EBNA1BP2: variants seen among roughly 807,000 people sequenced by gnomAD.
EBNA1BP2 encodes the protein probable rRNA-processing protein EBP2.
Under a neutral mutation model 43.5 loss-of-function variants are expected in EBNA1BP2, and 36 were observed. The ratio of observed to expected loss-of-function variants is 0.83; its 90% CI spans 0.63 to 1.09. The LOEUF (loss-of-function observed/expected upper bound fraction) is 1.09, where lower values mean the gene tolerates loss of function less well. Ranked by LOEUF, EBNA1BP2 falls within the 50% of genes least tolerant of loss-of-function variation. The pLI is 0.00. For missense variants in EBNA1BP2, 332 were observed against 379.1 expected (o/e 0.88, Z 1.03); for synonymous variants, 127 against 141.3 (o/e 0.90, Z 0.72).
Position 43,164,209 on chromosome 1 carries a change from A to G in EBNA1BP2, c.*234T>C. The G allele has an allele frequency of 1.8e-6, 1 of 549,490 alleles. No individual in the cohort carries two copies. Among genetic ancestry groups the G allele is most frequent in the Admixed American group, 3.2e-5 (1 of 31,598 alleles). 34.0% of individuals were successfully genotyped at this position (549,490 alleles called of 1,614,324 possible). ...TCAGTTAAATCATTATTTATCATAA[A>G]ATGAAGGCAATTTGAACTCAATGTC... On this transcript the variant is annotated 3_prime_UTR_variant, in exon 9 of 9. Coordinates refer to ENST00000236051, the MANE Select transcript of EBNA1BP2 (RefSeq NM_006824.3).
At chr1:43,171,749 A>G (rs753789382) in intron 2 of EBNA1BP2, 98 bp from the exon 3 acceptor site, 17 of 1,562,236 alleles carry the variant, frequency 1.1e-5, no homozygotes, top group Non-Finnish European at 1.4e-5. Flanking sequence ...CTAATCCCCA[A>G]TACCCAGACA....
At chr1:43,166,402 A>T (rs1010798429) in intron 7 of EBNA1BP2, among the ~76,000 whole-genome samples, 1 of 152,182 alleles carries the variant, frequency 6.6e-6, no homozygotes, top group Non-Finnish European at 1.5e-5. Flanking sequence ...TGAGGCCAGG[A>T]GTTCACAACC....
chr1:43,171,990 C>T (rs1322568736), intron 1 of EBNA1BP2, 21 bp from the exon 2 acceptor site: 1 of 1,614,032 alleles, frequency 6.2e-7, no homozygotes, highest in African/African-American at 1.3e-5. Flanking sequence ...CAATCACGGT[C>T]ACTCCCAGGG....
chr1:43,165,815 A>G (rs1348899413), intron 7 of EBNA1BP2, among the ~76,000 whole-genome samples: 1 of 152,096 alleles, frequency 6.6e-6, no homozygotes, highest in Non-Finnish European at 1.5e-5. Flanking sequence ...TCACATCTCG[A>G]TGGCTTTGCT....
chr1:43,172,066 A>G lies in EBNA1BP2; in HGVS notation c.53T>C (p.Val18Ala). 1 of 1,614,080 alleles carries G rather than the reference A, an allele frequency of 6.2e-7. No individual in the cohort carries two copies. ...DSESESDESL[V>A]TDRELQDAFS... is the part of the protein sequence containing the mutation. ...GCTGACACCTACCTCTCTGTCTGTG[A>G]CAAGGGATTCATCGGATTCCGACTC... The change falls in exon 1 of 9, where the codon GTC becomes GCC. Residue 18 changes from valine to alanine, a missense_variant. Val to Ala is a moderately conservative substitution (Grantham distance 64, BLOSUM62 0). Around this residue, in one of 3 missense-constraint regions of EBNA1BP2, gnomAD observed 182 missense variants for 173.7 expected, o/e 1.05. Transcript: ENST00000236051.
intron 4 of EBNA1BP2, among the ~76,000 whole-genome samples, chr1:43,169,484 G>A (rs78901172): frequency 0.021 from 3,194 of 152,216 alleles, 118 homozygotes; most frequent in African/African-American, 0.074. Context: ...AATTTGTACA[G>A]AGTTCACAGT....
chr1:43,166,706 C>G (rs1644920551), intron 7 of EBNA1BP2, 120 bp downstream of exon 7: 1 of 976,454 alleles, frequency 1.0e-6, no homozygotes, highest in Admixed American at 2.5e-5. Flanking sequence ...CCCCAGGCAG[C>G]AGCTGCACTC....
At chr1:43,168,887 C>T in intron 5 of EBNA1BP2, 52 bp downstream of exon 5, 1 of 1,581,394 alleles carries the variant, frequency 6.3e-7, no homozygotes, top group South Asian at 1.1e-5. Flanking sequence ...ACGGCAATCT[C>T]ATCTAACACA....
intron 5 of EBNA1BP2, 127 bp from the exon 6 acceptor site, chr1:43,167,362 G>A: frequency 1.2e-6 from 1 of 814,320 alleles, no homozygotes; most frequent in Non-Finnish European, 2.1e-6. Flanking sequence ...CAAAAACTGT[G>A]TTAGGGACTC....
At position 43,164,663 on chromosome 1, in the gene EBNA1BP2, G is replaced by T; in HGVS notation, c.850C>A (p.Pro284Thr). ...KTAHGRGLKR[P>T]GKKGSNKRPG... ...CTTACATTTGACCCTTTCTTGCCAG[G>T]CCTCTTGAGGCCTCTGCCATGAGCT... The change falls in exon 8 of 9, where the codon CCT becomes ACT. Residue 284 changes from proline (P) to threonine (T), a missense_variant. Pro to Thr is a conservative substitution (Grantham distance 38). Coordinates refer to ENST00000236051, the MANE Select transcript of EBNA1BP2 (RefSeq NM_006824.3). The T allele has an allele frequency of 6.2e-6, 10 of 1,614,184 alleles. No homozygotes were observed. Among genetic ancestry groups the T allele is most frequent in the Non-Finnish European group, 7.6e-6 (9 of 1,180,034 alleles).
chr1:43,167,862 C>T (rs546240069), intron 5 of EBNA1BP2, among the ~76,000 whole-genome samples: 1 of 152,032 alleles, frequency 6.6e-6, no homozygotes, highest in Non-Finnish European at 1.5e-5. Context: ...GGATATTTAG[C>T]GGCACCCCTG....
intron 7 of EBNA1BP2, among the ~76,000 whole-genome samples, chr1:43,166,533 A>G (rs1307390326): frequency 6.6e-6 from 1 of 152,176 alleles, no homozygotes; most frequent in Admixed American, 6.5e-5. Context: ...ACTTGAGCCC[A>G]GGTGGCAGAG....
At chr1:43,172,347 G>C (rs1299692857), upstream of EBNA1BP2, 5 of 1,551,648 alleles carry the variant, frequency 3.2e-6, no homozygotes, top group Middle Eastern at 1.7e-4. Context: ...GTTTGTCGTT[G>C]CTATAGGAAC....
intron 5 of EBNA1BP2, 120 bp from the exon 6 acceptor site, chr1:43,167,355 A>G (rs1644926002): frequency 4.4e-6 from 4 of 904,272 alleles, no homozygotes; most frequent in Non-Finnish European, 7.2e-6. Context: ...TACGTGCCAA[A>G]AACTGTGTTA....
At position 43,165,310 on chromosome 1, in the gene EBNA1BP2, T is replaced by C. The variant is rs190865483; in HGVS notation, c.708-505A>G. ...TAAAACTGGTCATCCAATAGGAATC[T>C]TGAATTCAGCATCTCCAAATTCACA... On this transcript the variant is annotated intron_variant, in intron 7 of 8. Coordinates refer to ENST00000236051, the MANE Select transcript of EBNA1BP2 (RefSeq NM_006824.3). 6.6e-5 allele frequency among the ~76,000 whole-genome samples: 10 copies of C among 152,348 alleles called. 1 individual carries two copies. The highest frequency in any genetic ancestry group is 3.3e-4 in the Admixed American group (5 of 15,292).
At chr1:43,169,875 C>T (rs1044957875) in intron 4 of EBNA1BP2, among the ~76,000 whole-genome samples, 3 of 152,060 alleles carry the variant, frequency 2.0e-5, no homozygotes, top group Non-Finnish European at 4.4e-5. Flanking sequence ...CATAGGAGTG[C>T]GAACTCTACT....
intron 7 of EBNA1BP2, among the ~76,000 whole-genome samples, chr1:43,166,598 A>G (rs1644919618): frequency 6.6e-6 from 1 of 151,910 alleles, no homozygotes; most frequent in African/African-American, 2.4e-5. Context: ...ACAGAATGAG[A>G]CTGTCCAAAA....
upstream of EBNA1BP2, chr1:43,172,341 G>C (rs1032634887): frequency 1.3e-6 from 2 of 1,551,664 alleles, no homozygotes; most frequent in Non-Finnish European, 8.7e-7. Context: ...CTTCCGGTTT[G>C]TCGTTGCTAT....
In EBNA1BP2 at chr1:43,166,853, C is replaced by T. The variant is rs764009556; in HGVS notation, c.680G>A (p.Gly227Glu). ...QKPLAQRKKA[G>E]AKGQQMRKGP... is the part of the protein sequence containing the mutation. ...CTTCCTCATCTGCTGGCCTTTGGCT[C>T]CTGCCTTCTTGCGCTGTGCCAGAGG... Residue 227 changes from glycine to glutamate, a missense_variant, in exon 7 of 9, where the codon GGA becomes GAA. Transcript: ENST00000236051. 1 of 1,612,646 alleles carries T rather than the reference C, an allele frequency of 6.2e-7. No homozygotes were observed. The highest frequency in any genetic ancestry group is 8.5e-7 in the Non-Finnish European group (1 of 1,179,544).
Sources: gnomAD v4.1 joint callset for allele counts (sites outside exome capture counted in the v4.1 genomes callset) on GRCh38, gnomAD v4.1.1 for gene constraint, gnomAD v4.1.1 regional missense constraint, MANE v1.5 for transcripts, NCBI Gene and HGNC (gene_info 2026-07-23, HGNC 2026-07-21) for gene names.